The following AATK variants were observed in gnomAD, a reference collection of about 807,000 sequenced individuals.
AATK encodes the protein lemur tail kinase 1.
Under a neutral mutation model 114.3 loss-of-function variants are expected in AATK, and 91 were observed. The observed-to-expected ratio is 0.80, with a 90% CI of 0.67 to 0.95. AATK has a LOEUF of 0.95. Ranked by LOEUF, AATK falls within the 40% of genes least tolerant of loss-of-function variation. AATK has a pLI of 0.00. For synonymous variants in AATK, 1,075 were observed against 916.5 expected (o/e 1.17, Z -3.12); for missense variants, 2,176 against 1,965.2 (o/e 1.11, Z -2.03).
At chr17:81,160,814 C>G (rs746302371) in intron 1 of AATK, among the ~76,000 whole-genome samples, 2 of 152,232 alleles carry the variant, frequency 1.3e-5, no homozygotes, top group Non-Finnish European at 2.9e-5. Flanking sequence ...ACCCCGTGAG[C>G]TGGAGACAGG....
In AATK at chr17:81,119,470, CGGGCGT is replaced by C. The variant is rs376907005; in HGVS notation, c.3988_3993del (p.Thr1330_Pro1331del). On this transcript the variant is annotated inframe_deletion, in exon 13 of 14. Transcript: ENST00000326724. ...GACACCGTGAAGCGCGAGAAGGGAG[CGGGCGT>C]GGGCGTGGGCGCAGCCGGGGCGGGT... The C allele has an allele frequency of 1.3e-4, 194 of 1,505,720 alleles. No individual in the cohort carries two copies. The highest frequency in any genetic ancestry group is 1.4e-4 in the Non-Finnish European group (154 of 1,131,120). The allele number at this position is 1,505,720 out of a possible 1,614,324, so 93.3% of individuals were successfully genotyped here. A position where few individuals can be genotyped will look rare whatever the true frequency, so the allele number is the denominator to read the frequency against.
intron 1 of AATK, among the ~76,000 whole-genome samples, chr17:81,159,113 G>A (rs771258155): frequency 1.3e-5 from 2 of 152,190 alleles, no homozygotes; most frequent in Non-Finnish European, 2.9e-5. Flanking sequence ...TCAGGGGCAG[G>A]GATGCTCCAC....
intron 1 of AATK, among the ~76,000 whole-genome samples, chr17:81,143,751 G>A (rs1292474791): frequency 6.6e-6 from 1 of 152,234 alleles, no homozygotes; most frequent in Non-Finnish European, 1.5e-5. Context: ...TCCCCACGGG[G>A]TAAGGCGAGG....
rs780195668 is a variant in AATK, at chr17:81,121,016, C to G, written c.2920G>C (p.Gly974Arg). 2.5e-6 allele frequency: 4 copies of G among 1,609,922 alleles called. No individual in the cohort carries two copies. In the South Asian group the frequency reaches 3.3e-5, roughly 13 times the overall value. Residue 974 changes from glycine to arginine, a missense_variant, in exon 11 of 14, where the codon GGG (glycine) becomes CGG (arginine). Transcript: ENST00000326724. ...GAGGTGGAGAGCCGTGTCTCGGGCC[C>G]GGGGCCCTCACCCTCTGAGGCCAGC... ...AELASEGEGP[G>R]PETRLSTSLS...
intron 2 of AATK, chr17:81,133,397 C>T (rs749666053): frequency 6.9e-5 from 23 of 333,432 alleles, no homozygotes; most frequent in Admixed American, 2.8e-4. Context: ...ATGGGGGTGG[C>T]GCCAGCTGAG....
chr17:81,146,024 C>CA (rs1007703293), intron 1 of AATK, among the ~76,000 whole-genome samples: 1 of 149,888 alleles, frequency 6.7e-6, no homozygotes, highest in African/African-American at 2.5e-5. Flanking sequence ...CTCTTCTCTA[C>CA]AAAAAAATAC....
chr17:81,138,708 C>G (rs985202279), intron 1 of AATK, among the ~76,000 whole-genome samples: 5 of 151,558 alleles, frequency 3.3e-5, no homozygotes, highest in South Asian at 4.2e-4. Context: ...CACGCAGATA[C>G]CCACACGCGC....
chr17:81,160,481 C>CG (rs1003134653), intron 1 of AATK, among the ~76,000 whole-genome samples: 16 of 152,194 alleles, frequency 1.1e-4, no homozygotes, highest in South Asian at 2.1e-4. Context: ...GCTTCCTCTG[C>CG]GGGGGGGCGG....
At chr17:81,144,730 C>T (rs1458653385) in intron 1 of AATK, among the ~76,000 whole-genome samples, 9 of 152,248 alleles carry the variant, frequency 5.9e-5, no homozygotes, top group East Asian at 5.8e-4. Context: ...TCACAAGCTA[C>T]GAAGTCCAGC....
chr17:81,157,249 C>A (rs1412831739), intron 1 of AATK, among the ~76,000 whole-genome samples: 1 of 152,224 alleles, frequency 6.6e-6, no homozygotes, highest in Non-Finnish European at 1.5e-5. Flanking sequence ...AAAATGTAAG[C>A]TTCCGGGACA....
chr17:81,138,906 CAT>C (rs1412599738), intron 1 of AATK, among the ~76,000 whole-genome samples: 1 of 151,856 alleles, frequency 6.6e-6, no homozygotes, highest in African/African-American at 2.4e-5. Flanking sequence ...TATAACCACA[CAT>C]GCGTAGACAG....
chr17:81,119,318 C>A (rs533649694), intron 13 of AATK, 62 bp downstream of exon 13: 2 of 1,485,168 alleles, frequency 1.3e-6, no homozygotes, highest in Admixed American at 2.3e-5. Context: ...GGGGCCCCAC[C>A]CTCGGAGCTC....
chr17:81,126,413 G>T lies in AATK; in HGVS notation c.755+14C>A. ...CCTAGGGCTTCCCGGCCGCTGGCCC[G>T]CGCCCGCCCTCACCTGTGCACGAAA... is the stretch of plus-strand genomic sequence containing the variant. On this transcript the variant is annotated intron_variant, in intron 7 of 13. Transcript: ENST00000326724. The surrounding 1 kb of genome is among the most constrained non-coding windows in gnomAD (Gnocchi z 5.1). The T allele has an allele frequency of 6.4e-7, 1 of 1,552,030 alleles. No individual in the cohort carries two copies.
chr17:81,157,499 C>T (rs936345163), intron 1 of AATK, among the ~76,000 whole-genome samples: 1 of 152,180 alleles, frequency 6.6e-6, no homozygotes, highest in Non-Finnish European at 1.5e-5. Context: ...GCACAGTTCC[C>T]GGGGGTTACC....
chr17:81,124,701 C>T, intron 9 of AATK, 26 bp downstream of exon 9: 4 of 1,607,564 alleles, frequency 2.5e-6, no homozygotes, highest in Non-Finnish European at 3.4e-6. Flanking sequence ...CTCGGCCCCT[C>T]ACGGTGCCAC....
intron 1 of AATK, chr17:81,160,123 G>A (rs1360761877): frequency 1.6e-5 from 7 of 424,862 alleles, no homozygotes; most frequent in African/African-American, 2.1e-5. Flanking sequence ...GCTCTGGCAC[G>A]GCCACCTCCG....
chr17:81,131,670 C>T (rs2060934230), intron 2 of AATK, among the ~76,000 whole-genome samples: 1 of 152,166 alleles, frequency 6.6e-6, no homozygotes, highest in Admixed American at 6.5e-5. Context: ...CATCCAGAAT[C>T]AGCCCCCAGC....
chr17:81,158,111 G>A (rs895463913), intron 1 of AATK, among the ~76,000 whole-genome samples: 11 of 152,210 alleles, frequency 7.2e-5, no homozygotes, highest in African/African-American at 2.4e-4. Flanking sequence ...TGCCGGCCAC[G>A]GGTATTTCTA....
chr17:81,118,024 C>T lies in AATK; in HGVS notation c.*378G>A. On this transcript the variant is annotated 3_prime_UTR_variant, in exon 14 of 14. Transcript: ENST00000326724. Reference sequence around the variant, plus strand: ...GTGTCCTGTGAGCACACCGGAGGAGCTGCCGGATGGGGCATGCGGGTCCTC... The same window carrying T: ...GTGTCCTGTGAGCACACCGGAGGAGTTGCCGGATGGGGCATGCGGGTCCTC... 4.8e-6 allele frequency: 1 copy of T among 207,880 alleles called. No homozygotes were observed. Among genetic ancestry groups the T allele is most frequent in the Non-Finnish European group, 9.7e-6 (1 of 102,824 alleles). 12.9% of individuals were successfully genotyped at this position (207,880 alleles called of 1,614,324 possible).
Sources: allele counts gnomAD v4.1 joint callset (sites outside exome capture counted in the v4.1 genomes callset), GRCh38; gene constraint gnomAD v4.1.1; non-coding constraint Gnocchi (gnomAD v3.1); transcripts MANE v1.5; gene names NCBI Gene and HGNC (gene_info 2026-07-23, HGNC 2026-07-21).